MTUS2: variants seen among roughly 807,000 people sequenced by gnomAD.
MTUS2 encodes microtubule associated scaffold protein 2, also known as microtubule-associated tumor suppressor candidate 2.
In MTUS2, 40 loss-of-function variants were observed where a neutral mutation model predicts 114.1. That is an observed-to-expected ratio of 0.35 (90% CI 0.27 to 0.46). The LOEUF is 0.46. MTUS2 is among the 20% of genes least tolerant of loss of function. The pLI, the probability that MTUS2 is intolerant of heterozygous loss-of-function variation, is 1.00. For missense variants in MTUS2, 1,679 were observed against 1,705.4 expected (o/e 0.98, Z 0.27); for synonymous variants, 688 against 672.0 (o/e 1.02, Z -0.37).
At chr13:29,389,485 GTGTA>G (rs1392572408) in intron 8 of MTUS2, among the ~76,000 whole-genome samples, 4 of 127,892 alleles carry the variant, frequency 3.1e-5, no homozygotes, top group Non-Finnish European at 5.1e-5. Context: ...ATACACGTGT[GTGTA>G]TGTGTATATA....
chr13:28,976,927 T>C (rs1034339304), intron 2 of MTUS2, among the ~76,000 whole-genome samples: 10 of 152,328 alleles, frequency 6.6e-5, no homozygotes, highest in African/African-American at 1.2e-4. Flanking sequence ...GTGTGAGTTA[T>C]CTCTGCAGAG....
intron 2 of MTUS2, among the ~76,000 whole-genome samples, chr13:28,924,542 A>G (rs895284985): frequency 7.2e-5 from 11 of 152,190 alleles, no homozygotes; most frequent in Non-Finnish European, 1.2e-4. Flanking sequence ...ATGTCATTCC[A>G]TTAATATAAA....
intron 2 of MTUS2, among the ~76,000 whole-genome samples, chr13:28,915,939 T>C (rs923949393): frequency 9.2e-5 from 14 of 151,994 alleles, no homozygotes; most frequent in African/African-American, 3.1e-4. Flanking sequence ...GTCTTAGATT[T>C]CTAAGTCTTT....
chr13:29,156,684 C>T (rs114166396), intron 5 of MTUS2, among the ~76,000 whole-genome samples: 102 of 152,242 alleles, frequency 6.7e-4, no homozygotes, highest in African/African-American at 2.2e-3. Flanking sequence ...TGGCAAGTCT[C>T]ATTAACTCCA....
At chr13:28,975,598 T>G (rs1375096309) in intron 2 of MTUS2, among the ~76,000 whole-genome samples, 1 of 152,206 alleles carries the variant, frequency 6.6e-6, no homozygotes, top group African/African-American at 2.4e-5. Context: ...TTCTCCATCC[T>G]TCCTCTCCTT....
intron 2 of MTUS2, among the ~76,000 whole-genome samples, chr13:28,929,696 C>A (rs1488372710): frequency 6.6e-6 from 1 of 152,096 alleles, no homozygotes; most frequent in Non-Finnish European, 1.5e-5. Context: ...GGGAATGAGT[C>A]CGGAAACCTA....
At chr13:29,044,953 C>T (rs1263918350) in intron 4 of MTUS2, among the ~76,000 whole-genome samples, 2 of 152,198 alleles carry the variant, frequency 1.3e-5, no homozygotes. Flanking sequence ...CCACCTTCAG[C>T]TCATAGGGCC....
intron 5 of MTUS2, among the ~76,000 whole-genome samples, chr13:29,233,732 G>A (rs1480638087): frequency 1.3e-5 from 2 of 152,148 alleles, no homozygotes; most frequent in African/African-American, 2.4e-5. Flanking sequence ...TTTCGAAAAG[G>A]GAGAGGTAAA....
At chr13:29,291,369 A>G (rs376111144) in intron 6 of MTUS2, among the ~76,000 whole-genome samples, 15 of 152,224 alleles carry the variant, frequency 9.9e-5, no homozygotes, top group Admixed American at 4.6e-4. Context: ...ACTAATTTCA[A>G]TGGTGTCTTA....
intron 4 of MTUS2, among the ~76,000 whole-genome samples, chr13:29,080,208 T>A (rs570314015): frequency 6.6e-6 from 1 of 152,284 alleles, no homozygotes; most frequent in East Asian, 1.9e-4. Context: ...AGGAAAATAT[T>A]TAGGTAATTT....
intron 7 of MTUS2, among the ~76,000 whole-genome samples, chr13:29,326,585 G>A (rs888223808): frequency 2.6e-5 from 4 of 151,886 alleles, no homozygotes; most frequent in Non-Finnish European, 4.4e-5. Flanking sequence ...AGGCCAGGAG[G>A]GAGATGAGAG....
At chr13:29,145,683 C>T (rs889000460) in intron 5 of MTUS2, among the ~76,000 whole-genome samples, 8 of 152,104 alleles carry the variant, frequency 5.3e-5, no homozygotes, top group Admixed American at 2.6e-4. Flanking sequence ...CCCCTGCCAC[C>T]CCAAAATCTT....
Position 28,897,956 on chromosome 13 carries a change from C to T in MTUS2, c.-243+58106C>T, listed in dbSNP as rs368192005. Among the ~76,000 whole-genome samples, 16 of 151,542 alleles carry T rather than the reference C, an allele frequency of 1.1e-4. No homozygotes were observed. In the South Asian group the frequency reaches 1.7e-3, roughly 16 times the overall value. ...AGGAGATATACCTAATGTTAAATGA[C>T]GAGTTAATGGGTGCAGCACACCAAC... On this transcript the variant is annotated intron_variant, in intron 2 of 15. Transcript: ENST00000612955.
At chr13:29,362,414 A>G (rs536689428) in intron 8 of MTUS2, among the ~76,000 whole-genome samples, 151 of 152,370 alleles carry the variant, frequency 9.9e-4, no homozygotes, top group Non-Finnish European at 1.9e-3. Flanking sequence ...AAGCCCTTGA[A>G]GAGCTTGGCC....
intron 2 of MTUS2, among the ~76,000 whole-genome samples, chr13:28,873,332 A>G (rs1877736416): frequency 6.6e-6 from 1 of 152,112 alleles, no homozygotes; most frequent in South Asian, 2.1e-4. Flanking sequence ...AAGTTAACCC[A>G]CTCTCATCAT....
chr13:28,889,521 G>A (rs1177543084), intron 2 of MTUS2, among the ~76,000 whole-genome samples: 2 of 152,178 alleles, frequency 1.3e-5, no homozygotes, highest in African/African-American at 2.4e-5. Flanking sequence ...AGTGTGCACT[G>A]AGCATGGGTG....
intron 2 of MTUS2, among the ~76,000 whole-genome samples, chr13:28,891,063 G>T (rs1342167555): frequency 6.6e-6 from 1 of 152,204 alleles, no homozygotes; most frequent in Non-Finnish European, 1.5e-5. Context: ...CTCTGGACGA[G>T]CCCCTGCCTG....
intron 8 of MTUS2, among the ~76,000 whole-genome samples, chr13:29,397,402 C>G (rs1441745970): frequency 6.6e-6 from 1 of 152,142 alleles, no homozygotes; most frequent in African/African-American, 2.4e-5. Context: ...TCTACTGTGC[C>G]AAGACCCTTC....
chr13:29,178,898 G>A (rs893563050), intron 5 of MTUS2, among the ~76,000 whole-genome samples: 1 of 152,148 alleles, frequency 6.6e-6, no homozygotes, highest in Non-Finnish European at 1.5e-5. Context: ...AAATTAAAGT[G>A]GAGCACCAGA....
Sources: allele counts gnomAD v4.1 joint callset (sites outside exome capture counted in the v4.1 genomes callset), GRCh38; gene constraint gnomAD v4.1.1; transcripts MANE v1.5; gene names NCBI Gene and HGNC (gene_info 2026-07-23, HGNC 2026-07-21).